GSE1: variants seen among roughly 807,000 people sequenced by gnomAD.
The protein encoded by GSE1 is genetic suppressor element 1.
A neutral mutation model predicts 112.6 loss-of-function variants in GSE1; 32 were observed. The ratio of observed to expected loss-of-function variants is 0.28; its 90% CI spans 0.21 to 0.38. The LOEUF is 0.38. GSE1 is among the 10% of genes least tolerant of loss of function. GSE1 has a pLI of 1.00. For missense variants in GSE1, 2,348 were observed against 1,699.2 expected (o/e 1.38, Z -6.71); for synonymous variants, 1,115 against 735.6 (o/e 1.52, Z -8.35).
chr16:85,661,300 C>T lies in GSE1; in HGVS notation c.1795C>T (p.Arg599Trp), dbSNP rs138340924. The change falls in exon 9 of 16, where the codon CGG becomes TGG. Residue 599 changes from arginine to tryptophan, a missense_variant. Transcript: ENST00000253458. The part of the protein sequence containing the change: ...SLMDNTLETR[R>W]AESHSLHSHP... ...GATGGACAACACCTTGGAGACGCGG[C>T]GGGCCGAAAGCCACTCTCTGCACAG... The T allele has an allele frequency of 1.2e-5, 20 of 1,612,670 alleles. No homozygotes were observed. The highest frequency in any genetic ancestry group is 4.4e-5 in the South Asian group (4 of 91,060).
At chr16:85,596,460 A>T (rs1041029064) in intron 1 of GSE1, among the ~76,000 whole-genome samples, 1 of 152,202 alleles carries the variant, frequency 6.6e-6, no homozygotes, top group Non-Finnish European at 1.5e-5. Context: ...TCCCAGGAAG[A>T]TTCCGCCTTC....
At chr16:85,349,044 C>T (rs375354040) in intron 1 of GSE1, among the ~76,000 whole-genome samples, 38 of 152,302 alleles carry the variant, frequency 2.5e-4, no homozygotes, top group Non-Finnish European at 4.3e-4. Flanking sequence ...CAGCCTCTCC[C>T]GCGCGATCTG....
At chr16:85,473,132 C>A (rs993762536) in intron 2 of GSE1, among the ~76,000 whole-genome samples, 1 of 152,270 alleles carries the variant, frequency 6.6e-6, no homozygotes, top group Non-Finnish European at 1.5e-5. Context: ...GAGGGCCACG[C>A]AGAAACTGTC....
At chr16:85,387,992 G>GTGGA (rs58416051) in intron 2 of GSE1, among the ~76,000 whole-genome samples, 38,200 of 102,022 alleles carry the variant, frequency 0.37, 6,324 homozygotes, top group Middle Eastern at 0.47. Flanking sequence ...GGATGGGTGG[G>GTGGA]TGGATGGATG....
chr16:85,397,662 A>C (rs1052993971), intron 2 of GSE1, among the ~76,000 whole-genome samples: 1 of 152,154 alleles, frequency 6.6e-6, no homozygotes, highest in Non-Finnish European at 1.5e-5. Flanking sequence ...TGCGGGAGGC[A>C]CCACCTGCCA....
At chr16:85,356,939 T>C (rs1179291786) in intron 1 of GSE1, among the ~76,000 whole-genome samples, 1 of 151,886 alleles carries the variant, frequency 6.6e-6, no homozygotes, top group African/African-American at 2.4e-5. Flanking sequence ...CCCCCGGGGG[T>C]ACTCAGATGA....
At chr16:85,349,191 A>G (rs2046804014) in intron 1 of GSE1, among the ~76,000 whole-genome samples, 1 of 151,386 alleles carries the variant, frequency 6.6e-6, no homozygotes, top group Admixed American at 6.6e-5. Flanking sequence ...CTTATCAGGG[A>G]CTCTGCATTC....
At chr16:85,672,332 C>T (rs1206597484) in intron 15 of GSE1, 73 bp from the exon 16 acceptor site, 1 of 1,109,088 alleles carries the variant, frequency 9.0e-7, no homozygotes, top group South Asian at 1.3e-5. Flanking sequence ...TTCCATCCAG[C>T]ATGTTTGTAC....
Position 85,499,391 on chromosome 16 carries a change from A to G in GSE1, c.2465-134523A>G, listed in dbSNP as rs188915743. Among the ~76,000 whole-genome samples, 453 of 140,590 alleles carry G rather than the reference A, an allele frequency of 3.2e-3. 2 individuals carry two copies. The highest frequency in any genetic ancestry group is 5.5e-3 in the Non-Finnish European group (363 of 66,444). The allele number at this position is 140,590 out of a possible 152,430, so 92.2% of individuals were successfully genotyped here. A position where few individuals can be genotyped will look rare whatever the true frequency, so the allele number is the denominator to read the frequency against. Reference sequence around the variant, plus strand: ...AGTGGCGTGATCTCGGCTCACTGCAAGCTCCGCCTCCCAGGTTCACACCAT... The same window carrying G: ...AGTGGCGTGATCTCGGCTCACTGCAGGCTCCGCCTCCCAGGTTCACACCAT... On this transcript the variant is annotated intron_variant, in intron 2 of 2. Coordinates refer to the GSE1 transcript ENST00000637419.
At chr16:85,502,515 A>G (rs1450211528) in intron 2 of GSE1, among the ~76,000 whole-genome samples, 2 of 152,182 alleles carry the variant, frequency 1.3e-5, no homozygotes, top group Non-Finnish European at 2.9e-5. Context: ...TCTGAGGGCA[A>G]CCGGGCTTCT....
chr16:85,664,761 C>T, intron 11 of GSE1: 1 of 414,704 alleles, frequency 2.4e-6, no homozygotes, highest in Non-Finnish European at 4.4e-6. Flanking sequence ...CAGTGATTCA[C>T]AGAGGCGTCG....
intron 1 of GSE1, among the ~76,000 whole-genome samples, chr16:85,221,936 C>T (rs1234010833): frequency 1.3e-5 from 2 of 152,170 alleles, no homozygotes; most frequent in African/African-American, 4.8e-5. Flanking sequence ...GCTGCCCCTC[C>T]CGGTCCCCGC....
chr16:85,171,288 C>T (rs953257802), exon 1 of GSE1: 1 of 985,608 alleles, frequency 1.0e-6, no homozygotes, highest in African/African-American at 1.7e-5. Flanking sequence ...CCCAGGGCGG[C>T]CCCGTGTCCA....
intron 1 of GSE1, among the ~76,000 whole-genome samples, chr16:85,233,941 G>A (rs1463263214): frequency 2.6e-5 from 4 of 152,074 alleles, no homozygotes; most frequent in South Asian, 4.1e-4. Context: ...GGATCACATG[G>A]GCAGGAGCAC....
At chr16:85,402,692 CG>C (rs1160198714) in intron 2 of GSE1, among the ~76,000 whole-genome samples, 1 of 152,132 alleles carries the variant, frequency 6.6e-6, no homozygotes, top group Non-Finnish European at 1.5e-5. Context: ...GAGGCTGAGG[CG>C]GGAGGTTCAC....
rs184366397 is a variant in GSE1 at position 85,216,286 on chromosome 16, C to T, written c.2283+44479C>T. 3.2e-4 allele frequency among the ~76,000 whole-genome samples: 48 copies of T among 152,248 alleles called. No individual in the cohort carries two copies. The South Asian group carries it at 5.0e-3, about 16-fold the overall frequency. ...AGGCATGGTGGTGTGCACCTGTAGT[C>T]CCAGCTACTCAGGAGGCTGACTTGG... On this transcript the variant is annotated intron_variant, in intron 1 of 2. Coordinates refer to the GSE1 transcript ENST00000637419.
At chr16:85,610,436 T>C (rs183049939), upstream of GSE1, among the ~76,000 whole-genome samples, 1 of 152,028 alleles carries the variant, frequency 6.6e-6, no homozygotes, top group African/African-American at 2.4e-5. Context: ...TGGAGGGAAA[T>C]GGAGGGAGGC....
At chr16:85,256,628 A>G (rs1401876956) in intron 1 of GSE1, among the ~76,000 whole-genome samples, 1 of 152,168 alleles carries the variant, frequency 6.6e-6, no homozygotes, top group Non-Finnish European at 1.5e-5. Flanking sequence ...CCCGGATTCC[A>G]CCAGCTCCTC....
intron 1 of GSE1, among the ~76,000 whole-genome samples, chr16:85,613,617 G>A (rs2048150083): frequency 6.6e-6 from 1 of 151,704 alleles, no homozygotes; most frequent in Non-Finnish European, 1.5e-5. Flanking sequence ...CTGGCTGCGG[G>A]CGGGGACTCG....
Sources: gnomAD v4.1 joint callset for allele counts (sites outside exome capture counted in the v4.1 genomes callset) on GRCh38, gnomAD v4.1.1 for gene constraint, MANE v1.5 for transcripts, NCBI Gene and HGNC (gene_info 2026-07-23, HGNC 2026-07-21) for gene names.